The following TECTA variants were observed in gnomAD, a reference collection of about 807,000 sequenced individuals.
TECTA encodes the protein alpha-tectorin.
In TECTA, 128 loss-of-function variants were observed where a neutral mutation model predicts 216.8. The observed-to-expected ratio is 0.59, with a 90% CI of 0.51 to 0.68. The LOEUF is 0.68. Ranked by LOEUF, TECTA falls within the 30% of genes least tolerant of loss-of-function variation. TECTA has a pLI of 0.00. For missense variants in TECTA, 2,551 were observed against 2,786.2 expected (o/e 0.92, Z 1.90); for synonymous variants, 1,089 against 1,117.1 (o/e 0.97, Z 0.50).
Position 121,113,160 on chromosome 11 carries a change from C to T in TECTA, c.575C>T (p.Thr192Met), listed in dbSNP as rs764879796. 8.7e-6 allele frequency: 14 copies of T among 1,613,786 alleles called. No homozygotes were observed. Among genetic ancestry groups the T allele is most frequent in the East Asian group, 2.2e-5 (1 of 44,854 alleles). The stretch of plus-strand genomic sequence containing the variant: ...TACGAAATCAACTGGACCACGGGGA[C>T]GGCGAGTGGCGGCGACCCCCTGACA... ...NYYEINWTTGTASGGDPLTGL... is the reference protein window; with the variant it reads ...NYYEINWTTGMASGGDPLTGL... The change falls in exon 5 of 24, where the codon ACG becomes ATG. Residue 192 changes from threonine (T) to methionine (M), a missense_variant. Transcript: ENST00000392793. The surrounding 1 kb of genome is among the most constrained non-coding windows in gnomAD (Gnocchi z 4.2).
chr11:121,112,309 A>T (rs1946448840), intron 4 of TECTA, among the ~76,000 whole-genome samples: 4 of 152,208 alleles, frequency 2.6e-5, no homozygotes, highest in African/African-American at 9.7e-5. Flanking sequence ...ATGGACTGGG[A>T]ACTCTGGCGC....
At chr11:121,131,056 T>C (rs1946669552) in intron 10 of TECTA, among the ~76,000 whole-genome samples, 1 of 151,572 alleles carries the variant, frequency 6.6e-6, no homozygotes, top group Admixed American at 6.6e-5. Flanking sequence ...CTACTAAAAA[T>C]ACAAAAAATT....
chr11:121,121,802 C>T (rs117520387), intron 7 of TECTA, among the ~76,000 whole-genome samples: 1 of 152,150 alleles, frequency 6.6e-6, no homozygotes, highest in Admixed American at 6.5e-5. Context: ...TAAGTAAGAG[C>T]AGAGGAGCCC....
In TECTA at chr11:121,101,458, C is replaced by T. The variant is rs1213646492; in HGVS notation, c.-2+16C>T. 1 of 152,188 alleles carries T rather than the reference C, an allele frequency of 6.6e-6. No individual in the cohort carries two copies. Among genetic ancestry groups the T allele is most frequent in the Admixed American group, 6.5e-5 (1 of 15,268 alleles). The allele number at this position is 152,188 out of a possible 1,614,324, so 9.4% of individuals were successfully genotyped here. A position where few individuals can be genotyped will look rare whatever the true frequency, so the allele number is the denominator to read the frequency against. On this transcript the variant is annotated intron_variant, in intron 1 of 23. Coordinates refer to ENST00000392793, the MANE Select transcript of TECTA (RefSeq NM_005422.4). Reference sequence around the variant, plus strand: ...TACAGAACAGGTTAGTGACATTTTTCATAAATACAAATATCTAAATGAATC... The same window carrying T: ...TACAGAACAGGTTAGTGACATTTTTTATAAATACAAATATCTAAATGAATC...
At position 121,191,112 on chromosome 11, in the gene TECTA, AGAAATCTGACTG is replaced by A. The variant is rs1400107067; in HGVS notation, c.*317_*328del. 5.9e-6 allele frequency: 2 copies of A among 337,998 alleles called. No individual in the cohort carries two copies. The highest frequency in any genetic ancestry group is 7.4e-5 in the East Asian group (1 of 13,560). The allele number at this position is 337,998 out of a possible 1,614,324, so 20.9% of individuals were successfully genotyped here. ...AGTAAAGGAAAAAAATTCTGGTTAG[AGAAATCTGACTG>A]GAAATCTGACCAGAGAAATCTGTCA... is the stretch of plus-strand genomic sequence containing the variant. On this transcript the variant is annotated 3_prime_UTR_variant, in exon 24 of 24. Coordinates refer to ENST00000392793, the MANE Select transcript of TECTA (RefSeq NM_005422.4).
chr11:121,126,208 A>C (rs113984036), intron 8 of TECTA, among the ~76,000 whole-genome samples: 169 of 152,222 alleles, frequency 1.1e-3, no homozygotes, highest in African/African-American at 3.9e-3. Context: ...GTGGCTGTTG[A>C]GTTAATGCAG....
Position 121,168,803 on chromosome 11 carries a change from G to A in TECTA, c.5877G>A (p.Leu1959=). The A allele has an allele frequency of 1.2e-6, 2 of 1,614,158 alleles. No individual in the cohort carries two copies. The highest frequency in any genetic ancestry group is 1.6e-4 in the Middle Eastern group (1 of 6,062). Residue 1959 remains leucine (L), a synonymous_variant, in exon 20 of 24, where the codon CTG becomes CTA. Transcript: ENST00000392793. The part of the protein sequence containing the change: ...GEVVLTTRDV[L]YVGVFVVGAD... ...TAGTGTTGACGACTCGAGATGTGCT[G>A]TATGTAGGGGTTTTTGTGGTTGGAG...
intron 12 of TECTA, among the ~76,000 whole-genome samples, chr11:121,149,991 T>G (rs925946773): frequency 2.0e-5 from 3 of 152,176 alleles, no homozygotes; most frequent in Non-Finnish European, 4.4e-5. Context: ...GTTGGAGAAA[T>G]AGACCCATGT....
intron 3 of TECTA, among the ~76,000 whole-genome samples, chr11:121,106,947 G>A (rs548225002): frequency 4.6e-5 from 7 of 152,252 alleles, no homozygotes; most frequent in Admixed American, 4.6e-4. Context: ...GTGTTTTAAT[G>A]AGTCCTCCAA....
intron 20 of TECTA, among the ~76,000 whole-genome samples, chr11:121,181,283 G>A (rs1947226407): frequency 6.6e-6 from 1 of 151,900 alleles, no homozygotes; most frequent in Non-Finnish European, 1.5e-5. Context: ...CTTTTTATCT[G>A]TCTCTTTGTT....
intron 20 of TECTA, among the ~76,000 whole-genome samples, 182 bp downstream of exon 20, chr11:121,169,107 T>C (rs1164275297): frequency 3.3e-5 from 5 of 152,252 alleles, no homozygotes; most frequent in Non-Finnish European, 7.3e-5. Context: ...GGCCTCATTT[T>C]ACAGACAATC....
Position 121,118,326 on chromosome 11 carries a change from G to C in TECTA, c.811G>C (p.Glu271Gln), listed in dbSNP as rs555093382. 35 of 1,614,182 alleles carry C rather than the reference G, an allele frequency of 2.2e-5. No homozygotes were observed. The East Asian group carries it at 5.3e-4, about 25-fold the overall frequency. Residue 271 changes from glutamate to glutamine, a missense_variant, in exon 7 of 24, where the codon GAG becomes CAG. Glu to Gln is a conservative substitution (Grantham distance 29, BLOSUM62 2). Coordinates refer to ENST00000392793, the MANE Select transcript of TECTA (RefSeq NM_005422.4). ...TSRGQFLRRG[E>Q]VFWDDLNCTV... ...CCCAGGACAATTCCTTCGGCGAGGGGAGGTGTTTTGGGATGACTTGAACTG... is the reference window on the plus strand; with the variant it reads ...CCCAGGACAATTCCTTCGGCGAGGGCAGGTGTTTTGGGATGACTTGAACTG...
chr11:121,175,759 G>T (rs998674852), intron 20 of TECTA, among the ~76,000 whole-genome samples: 8 of 152,160 alleles, frequency 5.3e-5, no homozygotes, highest in African/African-American at 1.9e-4. Flanking sequence ...TTAACTTTCT[G>T]TCTCGTTGAT....
rs745790139 is a variant in TECTA at position 121,160,245 on chromosome 11, C to T, written c.4800C>T (p.Tyr1600=). 3.1e-6 allele frequency: 5 copies of T among 1,614,174 alleles called. 1 individual carries two copies. In the South Asian group the frequency reaches 4.4e-5, roughly 14 times the overall value. The change falls in exon 15 of 24, where the codon TAC becomes TAT. Residue 1600 remains tyrosine, a synonymous_variant. Coordinates refer to ENST00000392793, the MANE Select transcript of TECTA (RefSeq NM_005422.4). ...CCAGCCCAGACATCCAGATATACTA[C>T]AATGGTTTCAACGTCATTAAAATCA... ...IDTSPDIQIY[Y]NGFNVIKISI... is the part of the protein sequence containing the mutation.
chr11:121,144,195 A>G (rs543119), intron 11 of TECTA, among the ~76,000 whole-genome samples: 71,039 of 152,046 alleles, frequency 0.47, 19,508 homozygotes, highest in African/African-American at 0.77. Flanking sequence ...AGGCAGGGCC[A>G]GCTCCTAGAG....
chr11:121,107,507 A>G (rs1946401667), intron 3 of TECTA, among the ~76,000 whole-genome samples: 1 of 152,212 alleles, frequency 6.6e-6, no homozygotes, highest in Non-Finnish European at 1.5e-5. Flanking sequence ...CCAGGCCTTG[A>G]TAACTTGCCT....
chr11:121,158,518 C>T (rs1440683462), intron 14 of TECTA, among the ~76,000 whole-genome samples: 1 of 152,208 alleles, frequency 6.6e-6, no homozygotes, highest in African/African-American at 2.4e-5. Flanking sequence ...TTAGATAAAT[C>T]AGTTTTTACC....
At chr11:121,145,451 A>C in intron 11 of TECTA, 104 bp from the exon 12 acceptor site, 1 of 1,261,218 alleles carries the variant, frequency 7.9e-7, no homozygotes, top group South Asian at 1.2e-5. Context: ...CAACCTGCTC[A>C]AACTTCCCTC....
In TECTA at chr11:121,166,661, C is replaced by T; in HGVS notation, c.5467C>T (p.Leu1823Phe). The change falls in exon 18 of 24, where the codon CTC becomes TTC. Residue 1823 changes from leucine (L) to phenylalanine (F), a missense_variant. Coordinates refer to ENST00000392793, the MANE Select transcript of TECTA (RefSeq NM_005422.4). ...CATATCTAAGTGCAAGCTCTTCCAGCTCGGTTTTGAGAGGGAGGGCGTGAG... is the reference window on the plus strand; with the variant it reads ...CATATCTAAGTGCAAGCTCTTCCAGTTCGGTTTTGAGAGGGAGGGCGTGAG... ...VSISKCKLFQ[L>F]GFEREGVRIN... 6.2e-7 allele frequency: 1 copy of T among 1,614,210 alleles called. No homozygotes were observed. The highest frequency in any genetic ancestry group is 1.1e-5 in the South Asian group (1 of 91,084).
Sources: gnomAD v4.1 joint callset for allele counts (sites outside exome capture counted in the v4.1 genomes callset) on GRCh38, gnomAD v4.1.1 for gene constraint, Gnocchi (gnomAD v3.1) non-coding constraint, MANE v1.5 for transcripts, NCBI Gene and HGNC (gene_info 2026-07-23, HGNC 2026-07-21) for gene names.